Variants in SFMBT2 observed in about 807,000 individuals in gnomAD.
SFMBT2 encodes scm-like with four MBT domains protein 2.
A neutral mutation model predicts 110.1 loss-of-function variants in SFMBT2; 38 were observed. That is an observed-to-expected ratio of 0.35 (90% confidence interval 0.27 to 0.45). The LOEUF (loss-of-function observed/expected upper bound fraction) is 0.45, where lower values mean the gene tolerates loss of function less well. SFMBT2 is among the 20% of genes least tolerant of loss of function. SFMBT2 has a pLI of 1.00. For synonymous variants in SFMBT2, 425 were observed against 425.4 expected (o/e 1.00, Z 0.01); for missense variants, 1,011 against 1,094.9 (o/e 0.92, Z 1.08).
chr10:7,265,416 G>A (rs1209281183), intron 7 of SFMBT2, among the ~76,000 whole-genome samples: 1 of 152,140 alleles, frequency 6.6e-6, no homozygotes, highest in Non-Finnish European at 1.5e-5. Flanking sequence ...TGCCCAGGCT[G>A]GTCTAGAAAT....
At chr10:7,210,350 C>T (rs1839300628) in intron 11 of SFMBT2, among the ~76,000 whole-genome samples, 2 of 152,028 alleles carry the variant, frequency 1.3e-5, no homozygotes, top group African/African-American at 2.4e-5. Flanking sequence ...TCACTCAGAG[C>T]GAATCACAGG....
At chr10:7,246,593 C>T (rs1199699841) in intron 8 of SFMBT2, among the ~76,000 whole-genome samples, 1 of 151,684 alleles carries the variant, frequency 6.6e-6, no homozygotes, top group Non-Finnish European at 1.5e-5. Flanking sequence ...GTGGCAGGCG[C>T]CTATAATCCC....
In SFMBT2 at chr10:7,171,204, T is replaced by A; in HGVS notation, c.2416-148A>T. On this transcript the variant is annotated intron_variant, in intron 19 of 20. Transcript: ENST00000397167. This position sits in a 1 kb window ranked among gnomAD's most constrained non-coding sequence, Gnocchi z 4.9. ...GGGCACCTGAAAAAGCTGCACACAC[T>A]CTCAGTCCCTGAGAAAGTTCTTGGC... 7 of 1,398,240 alleles carry A rather than the reference T, an allele frequency of 5.0e-6. 1 individual carries two copies. Among genetic ancestry groups the A allele is most frequent in the Non-Finnish European group, 3.9e-6 (4 of 1,029,992 alleles). 86.6% of individuals were successfully genotyped at this position (1,398,240 alleles called of 1,614,324 possible). A position where few individuals can be genotyped will look rare whatever the true frequency, so the allele number is the denominator to read the frequency against.
intron 2 of SFMBT2, among the ~76,000 whole-genome samples, chr10:7,381,514 C>T (rs910017321): frequency 1.1e-4 from 17 of 152,186 alleles, no homozygotes; most frequent in South Asian, 8.3e-4. Context: ...TGGTGCACAA[C>T]GACTCCATGC....
chr10:7,384,579 G>A (rs924700495), intron 1 of SFMBT2, among the ~76,000 whole-genome samples: 2 of 152,128 alleles, frequency 1.3e-5, no homozygotes, highest in Non-Finnish European at 2.9e-5. Context: ...GCAATGTAAT[G>A]AGCTTAGTTT....
intron 14 of SFMBT2, among the ~76,000 whole-genome samples, chr10:7,199,222 G>A (rs750120289): frequency 6.6e-5 from 10 of 152,104 alleles, no homozygotes; most frequent in Non-Finnish European, 7.3e-5. Flanking sequence ...CAAGCAATCT[G>A]CCTGCTTCAG....
intron 4 of SFMBT2, among the ~76,000 whole-genome samples, chr10:7,294,500 G>A (rs1842349591): frequency 6.6e-6 from 1 of 152,168 alleles, no homozygotes; most frequent in Non-Finnish European, 1.5e-5. Flanking sequence ...AAGAAGGAAG[G>A]AATAATCAAT....
intron 8 of SFMBT2, 103 bp downstream of exon 8, chr10:7,248,445 G>C (rs551631222): frequency 1.0e-6 from 1 of 952,906 alleles, no homozygotes; most frequent in East Asian, 2.5e-5. Context: ...TGGCATTGCT[G>C]ATAGCCTTGC....
At chr10:7,362,628 C>A (rs948226243) in intron 4 of SFMBT2, among the ~76,000 whole-genome samples, 10 of 152,222 alleles carry the variant, frequency 6.6e-5, no homozygotes, top group South Asian at 2.1e-4. Context: ...GGGCAAAATT[C>A]CCAAACATTC....
intron 7 of SFMBT2, among the ~76,000 whole-genome samples, chr10:7,263,301 G>A (rs552794389): frequency 2.6e-5 from 4 of 152,178 alleles, no homozygotes; most frequent in African/African-American, 7.2e-5. Flanking sequence ...GAGTACAATG[G>A]CGCGATCTCA....
intron 6 of SFMBT2, among the ~76,000 whole-genome samples, chr10:7,283,351 A>C (rs1588416138): frequency 2.6e-5 from 4 of 152,214 alleles, no homozygotes; most frequent in Admixed American, 2.6e-4. Context: ...ATGATGGTCT[A>C]TCTACTCAAT....
Position 7,367,974 on chromosome 10 carries a change from G to A in SFMBT2, c.196-85C>T. The stretch of plus-strand genomic sequence containing the variant: ...ATGACAAAAACCACTAAAAAATATG[G>A]CACTTACAAACAATATTCCTGTTGC... On this transcript the variant is annotated intron_variant, in intron 3 of 20. Coordinates refer to ENST00000397167, the MANE Select transcript of SFMBT2 (RefSeq NM_001387889.1). This position sits in a 1 kb window ranked among gnomAD's most constrained non-coding sequence, Gnocchi z 6.2. 2 of 1,521,396 alleles carry A rather than the reference G, an allele frequency of 1.3e-6. No individual in the cohort carries two copies. The highest frequency in any genetic ancestry group is 1.8e-6 in the Non-Finnish European group (2 of 1,130,674). 94.2% of individuals were successfully genotyped at this position (1,521,396 alleles called of 1,614,324 possible).
intron 1 of SFMBT2, among the ~76,000 whole-genome samples, chr10:7,384,334 T>A (rs1203162504): frequency 6.8e-6 from 1 of 147,890 alleles, no homozygotes; most frequent in Non-Finnish European, 1.5e-5. Context: ...AGGAAGCGAG[T>A]GAGCACAATC....
At chr10:7,337,249 C>T (rs1440466956) in intron 4 of SFMBT2, among the ~76,000 whole-genome samples, 2 of 152,104 alleles carry the variant, frequency 1.3e-5, no homozygotes, top group African/African-American at 4.8e-5. Flanking sequence ...GCTATTAGGC[C>T]CAAAGATAGA....
chr10:7,308,480 C>T (rs958245908), intron 4 of SFMBT2, among the ~76,000 whole-genome samples: 2 of 151,982 alleles, frequency 1.3e-5, no homozygotes, highest in African/African-American at 2.4e-5. Flanking sequence ...GTGGAGGTCA[C>T]TTGATGGAGA....
At chr10:7,353,929 T>C (rs974695549) in intron 4 of SFMBT2, among the ~76,000 whole-genome samples, 4 of 151,680 alleles carry the variant, frequency 2.6e-5, no homozygotes, top group Non-Finnish European at 4.4e-5. Flanking sequence ...CTACTAAATA[T>C]ACAAAAAATT....
intron 1 of SFMBT2, among the ~76,000 whole-genome samples, chr10:7,397,518 T>C (rs1331985430): frequency 6.6e-6 from 1 of 152,144 alleles, no homozygotes; most frequent in Admixed American, 6.5e-5. Flanking sequence ...GAGAAAGCTG[T>C]CTCATTTCAC....
intron 4 of SFMBT2, among the ~76,000 whole-genome samples, chr10:7,343,356 C>T (rs190838994): frequency 2.8e-4 from 42 of 152,218 alleles, no homozygotes; most frequent in African/African-American, 9.2e-4. Flanking sequence ...TGAACACACA[C>T]GTGCATGTGT....
At chr10:7,276,050 A>G (rs2131822776) in intron 7 of SFMBT2, among the ~76,000 whole-genome samples, 1 of 152,380 alleles carries the variant, frequency 6.6e-6, no homozygotes, top group Non-Finnish European at 1.5e-5. Flanking sequence ...TCCTTGGATG[A>G]ACCTGAATGG....
Sources: gnomAD v4.1 joint callset for allele counts (sites outside exome capture counted in the v4.1 genomes callset) on GRCh38, gnomAD v4.1.1 for gene constraint, Gnocchi (gnomAD v3.1) non-coding constraint, MANE v1.5 for transcripts, NCBI Gene and HGNC (gene_info 2026-07-23, HGNC 2026-07-21) for gene names.